FAM227B: variants seen among roughly 807,000 people sequenced by gnomAD.
FAM227B encodes the protein family with sequence similarity 227 member B, also known as protein FAM227B.
In FAM227B, 88 loss-of-function variants were observed where a neutral mutation model predicts 73.8. The observed-to-expected ratio is 1.19, with a 90% CI of 1.00 to 1.42. The LOEUF (loss-of-function observed/expected upper bound fraction) is 1.42, where lower values mean the gene tolerates loss of function less well. FAM227B is among the 40% of genes most tolerant of loss of function. FAM227B has a pLI of 0.00. For synonymous variants in FAM227B, 210 were observed against 190.5 expected (o/e 1.10, Z -0.84); for missense variants, 632 against 590.9 (o/e 1.07, Z -0.72).
chr15:49,381,152 A>T (rs2046508619), intron 11 of FAM227B, among the ~76,000 whole-genome samples: 1 of 152,128 alleles, frequency 6.6e-6, no homozygotes, highest in Admixed American at 6.5e-5. Flanking sequence ...CACCACAGGG[A>T]TGGTGGTAAG....
chr15:49,604,563 C>T (rs971359597), intron 3 of FAM227B, among the ~76,000 whole-genome samples: 1 of 152,022 alleles, frequency 6.6e-6, no homozygotes. Flanking sequence ...GTTTTTTGGG[C>T]TTCATGGATC....
chr15:49,508,387 G>T, intron 10 of FAM227B, 39 bp from the exon 11 acceptor site: 5 of 1,491,120 alleles, frequency 3.4e-6, no homozygotes, highest in South Asian at 1.3e-5. Flanking sequence ...AATAAATTTG[G>T]ATTTTGAAAA....
intron 10 of FAM227B, among the ~76,000 whole-genome samples, chr15:49,521,250 G>A (rs2059764393): frequency 6.6e-6 from 1 of 152,204 alleles, no homozygotes; most frequent in East Asian, 1.9e-4. Flanking sequence ...GGACCAGCCA[G>A]ACGCTAGGGA....
At chr15:49,467,182 T>C (rs959392694) in intron 11 of FAM227B, among the ~76,000 whole-genome samples, 2 of 152,172 alleles carry the variant, frequency 1.3e-5, no homozygotes, top group Non-Finnish European at 2.9e-5. Context: ...TAGTTTATCA[T>C]CTAAGCTGCT....
intron 11 of FAM227B, 77 bp downstream of exon 11, chr15:49,508,134 G>A (rs1045446187): frequency 6.8e-7 from 1 of 1,466,596 alleles, no homozygotes; most frequent in Non-Finnish European, 9.2e-7. Context: ...TAAATCATTA[G>A]AAAATTCTGC....
chr15:49,581,351 G>C (rs1030374464), intron 5 of FAM227B, among the ~76,000 whole-genome samples: 3 of 150,782 alleles, frequency 2.0e-5, no homozygotes, highest in Non-Finnish European at 1.5e-5. Flanking sequence ...TTTTGAGACA[G>C]AGTTTCGCTC....
At chr15:49,422,627 A>C in intron 11 of FAM227B, 1 of 1,098,894 alleles carries the variant, frequency 9.1e-7, no homozygotes, top group Non-Finnish European at 1.3e-6. Flanking sequence ...AGCAGCTGAG[A>C]CTCTGGAACA....
chr15:49,604,774 A>G (rs1209010277), intron 3 of FAM227B, among the ~76,000 whole-genome samples: 1 of 149,180 alleles, frequency 6.7e-6, no homozygotes, highest in African/African-American at 2.6e-5. Flanking sequence ...GCAGTTTCAA[A>G]TGATCTGTTT....
chr15:49,371,015 G>A (rs757529642), intron 12 of FAM227B, among the ~76,000 whole-genome samples: 39 of 152,158 alleles, frequency 2.6e-4, no homozygotes, highest in Non-Finnish European at 4.6e-4. Flanking sequence ...ACCAGATGGA[G>A]CCTTTGTATG....
chr15:49,489,860 TTATATATATA>T (rs796167274), intron 11 of FAM227B, among the ~76,000 whole-genome samples: 2 of 6,796 alleles, frequency 2.9e-4, no homozygotes, highest in Admixed American at 2.7e-3. Context: ...TATATATATT[TTATATATATA>T]TATATATATA....
At chr15:49,382,528 G>C (rs1355615937) in intron 11 of FAM227B, among the ~76,000 whole-genome samples, 1 of 151,740 alleles carries the variant, frequency 6.6e-6, no homozygotes, top group Non-Finnish European at 1.5e-5. Context: ...GAAATGACTT[G>C]TCCACTTACA....
intron 10 of FAM227B, among the ~76,000 whole-genome samples, chr15:49,527,974 T>C (rs868825262): frequency 1.1e-4 from 16 of 151,780 alleles, no homozygotes; most frequent in African/African-American, 3.6e-4. Context: ...AAATTACTAA[T>C]GTCTTTTTTT....
At chr15:49,541,930 AT>A in intron 9 of FAM227B, 124 bp from the exon 10 acceptor site, 1 of 757,820 alleles carries the variant, frequency 1.3e-6, no homozygotes, top group Non-Finnish European at 1.8e-6. Context: ...AAAATTCGCC[AT>A]TTTTTAAATT....
At chr15:49,366,180 C>A in intron 13 of FAM227B, 1 of 833,312 alleles carries the variant, frequency 1.2e-6, no homozygotes, top group South Asian at 1.3e-5. Context: ...ATAGTATAAT[C>A]AAAGTTAGGC....
intron 13 of FAM227B, among the ~76,000 whole-genome samples, chr15:49,354,755 G>C (rs902017451): frequency 7.2e-5 from 11 of 152,192 alleles, no homozygotes; most frequent in Admixed American, 4.6e-4. Context: ...AAGGAGGCCT[G>C]CCTGCCTCTG....
At chr15:49,344,252 ATTT>A (rs1236180515) in intron 13 of FAM227B, 2 of 152,126 alleles carry the variant, frequency 1.3e-5, no homozygotes, top group Non-Finnish European at 2.9e-5. Flanking sequence ...AATTATTTTC[ATTT>A]TTCTGTGTCT....
chr15:49,411,848 G>A (rs2048892010), intron 11 of FAM227B, among the ~76,000 whole-genome samples: 1 of 151,994 alleles, frequency 6.6e-6, no homozygotes, highest in South Asian at 2.1e-4. Flanking sequence ...TTCCAAAATT[G>A]TGCACAAATA....
chr15:49,342,396 C>T (rs1470346106), intron 13 of FAM227B, among the ~76,000 whole-genome samples: 2 of 152,046 alleles, frequency 1.3e-5, no homozygotes, highest in Non-Finnish European at 2.9e-5. Flanking sequence ...TTCTCCAGTC[C>T]TTTAATTTGA....
intron 3 of FAM227B, among the ~76,000 whole-genome samples, chr15:49,598,423 T>C (rs2077005918): frequency 6.6e-6 from 1 of 152,026 alleles, no homozygotes; most frequent in Admixed American, 6.5e-5. Context: ...TACTTCTTCC[T>C]TTCCTATTTG....
Sources: allele counts gnomAD v4.1 joint callset (sites outside exome capture counted in the v4.1 genomes callset), GRCh38; gene constraint gnomAD v4.1.1; transcripts MANE v1.5; gene names NCBI Gene and HGNC (gene_info 2026-07-23, HGNC 2026-07-21).